Variants in CACNG7 observed in about 807,000 individuals in gnomAD.
CACNG7 encodes voltage-dependent calcium channel gamma-7 subunit.
In CACNG7, 9 loss-of-function variants were observed where a neutral mutation model predicts 26.3. That is an observed-to-expected ratio of 0.34 (90% CI 0.21 to 0.60). CACNG7 has a LOEUF of 0.60. CACNG7 is among the 20% of genes least tolerant of loss of function. The probability of loss-of-function intolerance (pLI) is 0.81; values close to 1 mark genes in which losing one functional copy is unlikely to be tolerated. For missense variants in CACNG7, 297 were observed against 380.4 expected, an observed-to-expected ratio of 0.78 and a Z score of 1.82; for synonymous variants, 170 against 157.0, an observed-to-expected ratio of 1.08 and a Z score of -0.62.
intron 2 of CACNG7, among the ~76,000 whole-genome samples, chr19:53,913,833 A>G (rs990055541): frequency 1.3e-5 from 2 of 149,262 alleles, no homozygotes; most frequent in African/African-American, 4.9e-5. Context: ...CCCAGGGACC[A>G]CAAAGACCAA....
intron 4 of CACNG7, among the ~76,000 whole-genome samples, chr19:53,919,899 C>T (rs1190942415): frequency 1.5e-5 from 2 of 134,260 alleles, no homozygotes; most frequent in Non-Finnish European, 3.1e-5. Flanking sequence ...GTGGACTTGC[C>T]CCAGGCTGGT....
At chr19:53,936,707 C>T (rs1476570015) in intron 4 of CACNG7, among the ~76,000 whole-genome samples, 2 of 152,158 alleles carry the variant, frequency 1.3e-5, no homozygotes, top group Non-Finnish European at 2.9e-5. Flanking sequence ...CTCCTGGGTT[C>T]AAGCAATTCT....
intron 4 of CACNG7, among the ~76,000 whole-genome samples, chr19:53,931,788 G>T (rs1199823335): frequency 7.7e-6 from 1 of 130,618 alleles, no homozygotes; most frequent in Non-Finnish European, 1.6e-5. Context: ...TTGAGATGGA[G>T]TCTGGCTCTG....
chr19:53,914,411 T>A (rs1294464698), intron 2 of CACNG7, 89 bp from the exon 3 acceptor site: 1 of 1,041,086 alleles, frequency 9.6e-7, no homozygotes, highest in Non-Finnish European at 1.5e-6. Context: ...CATCCTGGGG[T>A]CTCCCCTCTA....
At chr19:53,931,458 G>A (rs192942067) in intron 4 of CACNG7, among the ~76,000 whole-genome samples, 145 of 151,928 alleles carry the variant, frequency 9.5e-4, no homozygotes, top group African/African-American at 3.4e-3. Context: ...AGGCCGAGCT[G>A]GGCAGACCAT....
chr19:53,912,888 T>C lies in CACNG7; in HGVS notation c.57T>C (p.Cys19=), dbSNP rs781141657. The C allele has an allele frequency of 2.5e-6, 4 of 1,614,004 alleles. No individual in the cohort carries two copies. The highest frequency in any genetic ancestry group is 2.5e-6 in the Non-Finnish European group (3 of 1,180,034). ...LTLLSSVFGA[C]GLLLVGIAVS... is the part of the protein sequence containing the mutation. The stretch of plus-strand genomic sequence containing the variant: ...TGCTGAGCAGCGTGTTTGGTGCGTG[T>C]GGCCTGCTCCTGGTAGGCATCGCGG... The change falls in exon 2 of 6, where the codon TGT becomes TGC. Residue 19 remains cysteine (C), a synonymous_variant. Coordinates refer to ENST00000391767, the MANE Select transcript of CACNG7 (RefSeq NM_031896.5). The surrounding 1 kb of genome is among the most constrained non-coding windows in gnomAD (Gnocchi z 4.6).
At chr19:53,928,365 C>T (rs1049734542) in intron 4 of CACNG7, among the ~76,000 whole-genome samples, 10 of 151,922 alleles carry the variant, frequency 6.6e-5, no homozygotes, top group African/African-American at 1.9e-4. Flanking sequence ...TTTACCTCTT[C>T]GGTTCAAGCA....
intron 4 of CACNG7, among the ~76,000 whole-genome samples, chr19:53,918,597 C>T (rs7257613): frequency 0.31 from 46,344 of 151,892 alleles, 8,582 homozygotes; most frequent in African/African-American, 0.53. Flanking sequence ...GTAAAGCATC[C>T]GACCCACTGC....
intron 1 of CACNG7, among the ~76,000 whole-genome samples, chr19:53,911,515 G>C (rs2145895522): frequency 6.6e-6 from 1 of 152,290 alleles, no homozygotes; most frequent in South Asian, 2.1e-4. Flanking sequence ...GTGGAATTAG[G>C]GTTCTGGAGC....
intron 4 of CACNG7, among the ~76,000 whole-genome samples, chr19:53,928,102 A>AT (rs1333687638): frequency 1.3e-5 from 2 of 152,010 alleles, no homozygotes; most frequent in East Asian, 1.9e-4. Context: ...AAATAAGGTT[A>AT]TTTTTGGAGA....
chr19:53,938,122 G>C (rs1332225798), intron 4 of CACNG7, among the ~76,000 whole-genome samples: 2 of 152,072 alleles, frequency 1.3e-5, no homozygotes, highest in Non-Finnish European at 2.9e-5. Context: ...CAAGGTGGAA[G>C]AACTGCTTGA....
At chr19:53,923,413 G>GGTGGAGTTT (rs2068983499) in intron 4 of CACNG7, among the ~76,000 whole-genome samples, 1 of 88,234 alleles carries the variant, frequency 1.1e-5, no homozygotes, top group Non-Finnish European at 2.2e-5. Context: ...TGGTGGAGTT[G>GGTGGAGTTT]TCCCCAGGTC....
chr19:53,941,788 C>A, intron 5 of CACNG7, 173 bp downstream of exon 5: 1 of 916,336 alleles, frequency 1.1e-6, no homozygotes, highest in Non-Finnish European at 1.6e-6. Flanking sequence ...CTGAGAGCTC[C>A]AACTTTTGGG....
At position 53,909,437 on chromosome 19, in the gene CACNG7, G is replaced by A. The variant is rs1357012014; in HGVS notation, c.-110G>A. On this transcript the variant is annotated 5_prime_UTR_variant, in exon 1 of 6. Transcript: ENST00000391767. The surrounding 1 kb of genome is among the most constrained non-coding windows in gnomAD (Gnocchi z 5.1). ...GGCACCGGCGACCCCGGTGGCGGCG[G>A]CGGCGGCCGGGGGAAGCCTCGGGGC... 6.7e-6 allele frequency: 1 copy of A among 149,474 alleles called. No individual in the cohort carries two copies. The allele number at this position is 149,474 out of a possible 1,614,324, so 9.3% of individuals were successfully genotyped here. A position where few individuals can be genotyped will look rare whatever the true frequency, so the allele number is the denominator to read the frequency against.
Position 53,942,100 on chromosome 19 carries a change from C to T in CACNG7, c.635C>T (p.Pro212Leu), listed in dbSNP as rs1356507871. The change falls in exon 6 of 6, where the codon CCA becomes CTA. Residue 212 changes from proline to leucine, a missense_variant. Coordinates refer to ENST00000391767, the MANE Select transcript of CACNG7 (RefSeq NM_031896.5). This position sits in a 1 kb window ranked among gnomAD's most constrained non-coding sequence, Gnocchi z 5.9. ...TACGCGGAGGAGGAGATGTACCGTC[C>T]ACACCCGGCCTTCTACCGCCCGCGT... is the stretch of plus-strand genomic sequence containing the variant. The part of the protein sequence containing the change: ...KRYAEEEMYR[P>L]HPAFYRPRLS... 2 of 1,613,974 alleles carry T rather than the reference C, an allele frequency of 1.2e-6. No individual in the cohort carries two copies. The highest frequency in any genetic ancestry group is 1.7e-5 in the Admixed American group (1 of 59,988).
rs369438929 is a variant in CACNG7 at position 53,932,893 on chromosome 19, C to T, written c.425-8577C>T. ...CTTGTCGTCCAGGCACTGCAACCTCCGCCTCCCAGGTTAAAGCGATTCTCT... is the reference window on the plus strand; with the variant it reads ...CTTGTCGTCCAGGCACTGCAACCTCTGCCTCCCAGGTTAAAGCGATTCTCT... On this transcript the variant is annotated intron_variant, in intron 4 of 5. Coordinates refer to ENST00000391767, the MANE Select transcript of CACNG7 (RefSeq NM_031896.5). Among the ~76,000 whole-genome samples the T allele has an allele frequency of 3.6e-4, 54 of 150,930 alleles. No individual in the cohort carries two copies. In the South Asian group the frequency reaches 7.5e-3, roughly 21 times the overall value.
chr19:53,942,539 T>A lies in CACNG7; in HGVS notation c.*246T>A. ...TCTCACTCCCAAATGACTCCTCCCC[T>A]TCGTTGGCCCGCCCCTTTCCTCTGG... On this transcript the variant is annotated 3_prime_UTR_variant, in exon 6 of 6. Coordinates refer to ENST00000391767, the MANE Select transcript of CACNG7 (RefSeq NM_031896.5). The surrounding 1 kb of genome is among the most constrained non-coding windows in gnomAD (Gnocchi z 5.9). The A allele has an allele frequency of 7.2e-7, 1 of 1,385,126 alleles. No individual in the cohort carries two copies. The highest frequency in any genetic ancestry group is 1.5e-5 in the African/African-American group (1 of 68,710). 85.8% of individuals were successfully genotyped at this position (1,385,126 alleles called of 1,614,324 possible).
In CACNG7 at chr19:53,942,175, G is replaced by T. The variant is rs772532287; in HGVS notation, c.710G>T (p.Trp237Leu). 2.5e-6 allele frequency: 4 copies of T among 1,614,048 alleles called. No individual in the cohort carries two copies. Among genetic ancestry groups the T allele is most frequent in the Non-Finnish European group, 3.4e-6 (4 of 1,179,956 alleles). Residue 237 changes from tryptophan to leucine, a missense_variant, in exon 6 of 6, where the codon TGG becomes TTG. By Grantham distance (61) the Trp-to-Leu change is moderately conservative. Coordinates refer to ENST00000391767, the MANE Select transcript of CACNG7 (RefSeq NM_031896.5). The surrounding 1 kb of genome is among the most constrained non-coding windows in gnomAD (Gnocchi z 5.9). Reference sequence around the variant, plus strand: ...GGCCAGTTCCTGCAGCCCGAGGCGTGGCGCCGCGGCCGGAGCCCCTCCGAC... The same window carrying T: ...GGCCAGTTCCTGCAGCCCGAGGCGTTGCGCCGCGGCCGGAGCCCCTCCGAC... The part of the protein sequence containing the change: ...YSGQFLQPEA[W>L]RRGRSPSDIS...
At chr19:53,915,025 A>G (rs2068886614) in intron 3 of CACNG7, among the ~76,000 whole-genome samples, 1 of 146,146 alleles carries the variant, frequency 6.8e-6, no homozygotes. Flanking sequence ...AATAAATAAA[A>G]GGAAGGAAGA....
Sources: gnomAD v4.1 joint callset for allele counts (sites outside exome capture counted in the v4.1 genomes callset) on GRCh38, gnomAD v4.1.1 for gene constraint, Gnocchi (gnomAD v3.1) non-coding constraint, MANE v1.5 for transcripts, NCBI Gene and HGNC (gene_info 2026-07-23, HGNC 2026-07-21) for gene names.